ZSWIM8: variants seen among roughly 807,000 people sequenced by gnomAD.
ZSWIM8 encodes zinc finger SWIM-type containing 8, also known as zinc finger SWIM domain-containing protein 8.
A neutral mutation model predicts 173.7 loss-of-function variants in ZSWIM8; 27 were observed. That is an observed-to-expected ratio of 0.16 (90% CI 0.11 to 0.21). The LOEUF is 0.21. Ranked by LOEUF, ZSWIM8 falls within the 10% of genes least tolerant of loss-of-function variation. The pLI is 1.00. For synonymous variants in ZSWIM8, 958 were observed against 962.0 expected (o/e 1.00, Z 0.08); for missense variants, 1,627 against 2,428.8 (o/e 0.67, Z 6.94).
Position 73,801,790 on chromosome 10 carries a change from T to C in ZSWIM8, c.*271T>C, listed in dbSNP as rs760268206. ...ATAAATATATAAACTCCTTTTTTACTCTAGTCGACCTGGGCCTTTCCCTTC... is the reference window on the plus strand; with the variant it reads ...ATAAATATATAAACTCCTTTTTTACCCTAGTCGACCTGGGCCTTTCCCTTC... On this transcript the variant is annotated 3_prime_UTR_variant, in exon 26 of 26. Transcript: ENST00000604729. This position sits in a 1 kb window ranked among gnomAD's most constrained non-coding sequence, Gnocchi z 4.9. The C allele has an allele frequency of 1.1e-5, 16 of 1,400,836 alleles. 1 individual carries two copies. The South Asian group carries it at 2.0e-4, about 17-fold the overall frequency. 86.8% of individuals were successfully genotyped at this position (1,400,836 alleles called of 1,614,324 possible).
rs377469935 is a variant in ZSWIM8 at position 73,791,274 on chromosome 10, T to G, written c.1144-50T>G. 223 of 1,578,960 alleles carry G rather than the reference T, an allele frequency of 1.4e-4. No homozygotes were observed. Among genetic ancestry groups the G allele is most frequent in the Admixed American group, 3.4e-4 (20 of 58,432 alleles). On this transcript the variant is annotated intron_variant, in intron 8 of 25. Transcript: ENST00000604729. The surrounding 1 kb of genome is among the most constrained non-coding windows in gnomAD (Gnocchi z 6.0). The stretch of plus-strand genomic sequence containing the variant: ...GAAATGGACTCTGGGAGGGCTACTC[T>G]GCCTTTCTCTGAGCTCTCAGGTGCA...
rs1175724365 is a variant in ZSWIM8 at position 73,794,041 on chromosome 10, G to A, written c.2622G>A (p.Leu874=). 3 of 1,612,512 alleles carry A rather than the reference G, an allele frequency of 1.9e-6. No individual in the cohort carries two copies. The highest frequency in any genetic ancestry group is 1.7e-5 in the Admixed American group (1 of 59,748). The part of the protein sequence containing the change: ...LQRPPASTKA[L]EVKLAYQESE... ...GGCCTCCAGCTTCTACCAAGGCCTTGGAGGTCAGAGGCTCCATCTCAGCCT... is the reference window on the plus strand; with the variant it reads ...GGCCTCCAGCTTCTACCAAGGCCTTAGAGGTCAGAGGCTCCATCTCAGCCT... Residue 874 remains leucine, a synonymous_variant, in exon 12 of 26, where the codon TTG becomes TTA. Coordinates refer to ENST00000604729, the MANE Select transcript of ZSWIM8 (RefSeq NM_001367799.1).
rs750584610 is a variant in ZSWIM8, at chr10:73,800,005, C to T, written c.4666-6C>T. The T allele has an allele frequency of 1.4e-5, 22 of 1,612,452 alleles. No individual in the cohort carries two copies. In the South Asian group the frequency reaches 1.9e-4, roughly 14 times the overall value. On this transcript the variant is annotated splice_polypyrimidine_tract_variant and splice_region_variant and intron_variant, in intron 21 of 25. Coordinates refer to ENST00000604729, the MANE Select transcript of ZSWIM8 (RefSeq NM_001367799.1). The surrounding 1 kb of genome is among the most constrained non-coding windows in gnomAD (Gnocchi z 4.1). ...GCATCTTCCCCTTTCTTCTCCCTGCCCCTAGGGTGTGCATCCTGCATTCCT... is the reference window on the plus strand; with the variant it reads ...GCATCTTCCCCTTTCTTCTCCCTGCTCCTAGGGTGTGCATCCTGCATTCCT...
Position 73,789,908 on chromosome 10 carries a change from G to A in ZSWIM8, c.739-48G>A. ...TTCCTGTTAGGCCCAGGCCTCCATG[G>A]GTTCACCTAGGCCGTGTTCTGCCTG... is the stretch of plus-strand genomic sequence containing the variant. On this transcript the variant is annotated intron_variant, in intron 5 of 25. Coordinates refer to ENST00000604729, the MANE Select transcript of ZSWIM8 (RefSeq NM_001367799.1). This position sits in a 1 kb window ranked among gnomAD's most constrained non-coding sequence, Gnocchi z 6.8. 1.9e-6 allele frequency: 3 copies of A among 1,594,900 alleles called. No homozygotes were observed. The highest frequency in any genetic ancestry group is 1.3e-5 in the African/African-American group (1 of 74,496).
chr10:73,790,925 C>T lies in ZSWIM8; in HGVS notation c.942-50C>T, dbSNP rs76746097. 1.0e-4 allele frequency: 154 copies of T among 1,520,254 alleles called. No individual in the cohort carries two copies. In the East Asian group the frequency reaches 3.3e-3, roughly 33 times the overall value. The allele number at this position is 1,520,254 out of a possible 1,614,324, so 94.2% of individuals were successfully genotyped here. A position where few individuals can be genotyped will look rare whatever the true frequency, so the allele number is the denominator to read the frequency against. On this transcript the variant is annotated intron_variant, in intron 7 of 25. Transcript: ENST00000604729. ...TGGGGCCGGAAGCCCTTTTAGGTTT[C>T]ATTCAGCCCCGTCTTACTGTCATGG...
chr10:73,793,551 G>A (rs769487306), intron 10 of ZSWIM8, 37 bp from the exon 11 acceptor site: 1 of 1,532,976 alleles, frequency 6.5e-7, no homozygotes, highest in African/African-American at 1.4e-5. Context: ...CTGGAAGTTG[G>A]GACTTTAACC....
Position 73,791,787 on chromosome 10 carries a change from G to A in ZSWIM8, c.1320-72G>A. ...TATCCTTTCCCCATGCCTCTCTTTG[G>A]GGTGTACACCTACTCCATGCCCATC... is the stretch of plus-strand genomic sequence containing the variant. On this transcript the variant is annotated intron_variant, in intron 9 of 25. Transcript: ENST00000604729. The surrounding 1 kb of genome is among the most constrained non-coding windows in gnomAD (Gnocchi z 6.0). 1.4e-6 allele frequency: 2 copies of A among 1,443,742 alleles called. No homozygotes were observed. Among genetic ancestry groups the A allele is most frequent in the East Asian group, 2.5e-5 (1 of 39,396 alleles). 89.4% of individuals were successfully genotyped at this position (1,443,742 alleles called of 1,614,324 possible). A position where few individuals can be genotyped will look rare whatever the true frequency, so the allele number is the denominator to read the frequency against.
In ZSWIM8 at chr10:73,789,838, G is replaced by T. The variant is rs1440963433; in HGVS notation, c.738+14G>T. 6.3e-7 allele frequency: 1 copy of T among 1,594,658 alleles called. No homozygotes were observed. Among genetic ancestry groups the T allele is most frequent in the Admixed American group, 1.7e-5 (1 of 57,322 alleles). ...CTCCCTCAGCAGGTGGGTGAGGTCG[G>T]CACCCCCTCCTGCAATTAGCTCCGG... On this transcript the variant is annotated intron_variant, in intron 5 of 25. Transcript: ENST00000604729. This position sits in a 1 kb window ranked among gnomAD's most constrained non-coding sequence, Gnocchi z 6.8.
chr10:73,794,227 G>T lies in ZSWIM8; in HGVS notation c.2706G>T (p.Met902Ile). ...TGGGTCCAAGTGAGATGAGTACCAT[G>T]CGGTGCCGGGCAGAGGAACTTCGGG... Reference protein sequence around the residue: ...IPLGPSEMSTMRCRAEELREG... With the variant: ...IPLGPSEMSTIRCRAEELREG... The change falls in exon 13 of 26, where the codon ATG becomes ATT. Residue 902 changes from methionine to isoleucine, a missense_variant. Coordinates refer to ENST00000604729, the MANE Select transcript of ZSWIM8 (RefSeq NM_001367799.1). 1.2e-6 allele frequency: 2 copies of T among 1,614,014 alleles called. No individual in the cohort carries two copies. The highest frequency in any genetic ancestry group is 1.7e-6 in the Non-Finnish European group (2 of 1,179,890).
Position 73,795,612 on chromosome 10 carries a change from G to A in ZSWIM8, c.2982G>A (p.Leu994=). The A allele has an allele frequency of 1.9e-6, 3 of 1,613,854 alleles. No individual in the cohort carries two copies. The highest frequency in any genetic ancestry group is 1.7e-5 in the Admixed American group (1 of 60,020). ...CEGTRREKGD[L]ALALMITYKD... is the part of the protein sequence containing the mutation. ...GCACACGTCGGGAGAAGGGTGACCT[G>A]GCATTAGCACTAATGATCACTTACA... The change falls in exon 15 of 26, where the codon CTG becomes CTA. Residue 994 remains leucine, a synonymous_variant. Transcript: ENST00000604729.
intron 15 of ZSWIM8, 30 bp from the exon 16 acceptor site, chr10:73,796,744 T>A (rs756586220): frequency 9.3e-6 from 15 of 1,607,902 alleles, no homozygotes; most frequent in Non-Finnish European, 1.3e-5. Context: ...TGTCACTGCT[T>A]CTCTGGAGGT....
intron 1 of ZSWIM8, among the ~76,000 whole-genome samples, chr10:73,788,116 A>G (rs1045173817): frequency 2.0e-5 from 3 of 151,866 alleles, no homozygotes; most frequent in Admixed American, 2.0e-4. Context: ...CAGTGTGGGA[A>G]GTTGTCATTT....
Position 73,797,974 on chromosome 10 carries a change from G to A in ZSWIM8, c.3856G>A (p.Ala1286Thr). Residue 1286 changes from alanine to threonine, a missense_variant, in exon 19 of 26, where the codon GCC becomes ACC. Coordinates refer to ENST00000604729, the MANE Select transcript of ZSWIM8 (RefSeq NM_001367799.1). The surrounding 1 kb of genome is among the most constrained non-coding windows in gnomAD (Gnocchi z 5.6). ...QGPHRNLHLC[A>T]FEIGLYALGL... ...TCCTCACCGCAACCTGCACCTTTGC[G>A]CCTTCGAGATTGGGCTTTATGCCCT... The A allele has an allele frequency of 1.2e-6, 2 of 1,614,026 alleles. No individual in the cohort carries two copies. The highest frequency in any genetic ancestry group is 1.7e-6 in the Non-Finnish European group (2 of 1,179,902).
chr10:73,798,393 T>G lies in ZSWIM8; in HGVS notation c.4116T>G (p.Pro1372=), dbSNP rs2083763535. 6.2e-7 allele frequency: 1 copy of G among 1,614,030 alleles called. No homozygotes were observed. The highest frequency in any genetic ancestry group is 8.5e-7 in the Non-Finnish European group (1 of 1,179,896). Residue 1372 remains proline, a synonymous_variant, in exon 20 of 26, where the codon CCT becomes CCG. Coordinates refer to ENST00000604729, the MANE Select transcript of ZSWIM8 (RefSeq NM_001367799.1). ...CAGAGCTGGCCCTGAGCTGCCTGCCTCACGCCCATGCATTGAACCCTAATG... is the reference window on the plus strand; with the variant it reads ...CAGAGCTGGCCCTGAGCTGCCTGCCGCACGCCCATGCATTGAACCCTAATG... ...AAAELALSCL[P]HAHALNPNEI...
chr10:73,792,581 C>T lies in ZSWIM8; in HGVS notation c.2042C>T (p.Pro681Leu). The change falls in exon 10 of 26, where the codon CCT (proline) becomes CTT (leucine). Residue 681 changes from proline to leucine, a missense_variant. Coordinates refer to ENST00000604729, the MANE Select transcript of ZSWIM8 (RefSeq NM_001367799.1). The surrounding 1 kb of genome is among the most constrained non-coding windows in gnomAD (Gnocchi z 4.3). ...GGVYFSEGPEPPTASVGPPGL... is the reference protein window; with the variant it reads ...GGVYFSEGPELPTASVGPPGL... ...GTGTACTTCTCGGAAGGGCCTGAGCCTCCCACAGCCTCTGTTGGCCCCCCT... is the reference window on the plus strand; with the variant it reads ...GTGTACTTCTCGGAAGGGCCTGAGCTTCCCACAGCCTCTGTTGGCCCCCCT... 2 of 1,614,056 alleles carry T rather than the reference C, an allele frequency of 1.2e-6. No individual in the cohort carries two copies. The highest frequency in any genetic ancestry group is 1.7e-6 in the Non-Finnish European group (2 of 1,179,892).
Position 73,800,766 on chromosome 10 carries a change from C to T in ZSWIM8, c.5122+7C>T. The T allele has an allele frequency of 6.2e-7, 1 of 1,607,828 alleles. No homozygotes were observed. Among genetic ancestry groups the T allele is most frequent in the Non-Finnish European group, 8.5e-7 (1 of 1,175,454 alleles). The stretch of plus-strand genomic sequence containing the variant: ...GGGCTGGCAGCAAAGCTGGGTAACA[C>T]CTCCCCTCCCTAGGACCATTGCCCC... On this transcript the variant is annotated splice_region_variant and intron_variant, in intron 24 of 25. Coordinates refer to ENST00000604729, the MANE Select transcript of ZSWIM8 (RefSeq NM_001367799.1). The surrounding 1 kb of genome is among the most constrained non-coding windows in gnomAD (Gnocchi z 4.1).
At chr10:73,788,420 G>A (rs541931899) in intron 1 of ZSWIM8, among the ~76,000 whole-genome samples, 6 of 152,272 alleles carry the variant, frequency 3.9e-5, no homozygotes, top group African/African-American at 1.4e-4. Flanking sequence ...AGATATCTCT[G>A]GTATCTTCTG....
rs200374942 is a variant in ZSWIM8, at chr10:73,791,113, G to A, written c.1080G>A (p.Arg360=). The change falls in exon 8 of 26, where the codon CGG becomes CGA. Residue 360 remains arginine (R), a synonymous_variant. Transcript: ENST00000604729. This position sits in a 1 kb window ranked among gnomAD's most constrained non-coding sequence, Gnocchi z 6.0. ...LLSIVREMFK[R]RDSNAAPLLE... ...GCATTGTGCGGGAGATGTTCAAGCG[G>A]AGGGACAGCAATGCTGCCCCCTTGT... 19 of 1,613,866 alleles carry A rather than the reference G, an allele frequency of 1.2e-5. No individual in the cohort carries two copies. The highest frequency in any genetic ancestry group is 3.4e-6 in the Non-Finnish European group (4 of 1,179,782).
chr10:73,787,589 T>C, intron 1 of ZSWIM8, among the ~76,000 whole-genome samples: 1 of 152,188 alleles, frequency 6.6e-6, no homozygotes, highest in Non-Finnish European at 1.5e-5. Flanking sequence ...CGGTGGCTCG[T>C]GCCTGTAATC....
Sources: gnomAD v4.1 joint callset for allele counts (sites outside exome capture counted in the v4.1 genomes callset) on GRCh38, gnomAD v4.1.1 for gene constraint, Gnocchi (gnomAD v3.1) non-coding constraint, MANE v1.5 for transcripts, NCBI Gene and HGNC (gene_info 2026-07-23, HGNC 2026-07-21) for gene names.